RBMS3: variants seen among roughly 807,000 people sequenced by gnomAD.
RBMS3 encodes the protein RNA binding motif single stranded interacting protein 3, also known as RNA-binding motif, single-stranded-interacting protein 3.
RBMS3 carries 27 observed loss-of-function variants against 66.8 expected under a neutral mutation model. The ratio of observed to expected loss-of-function variants is 0.40; its 90% CI spans 0.30 to 0.56. The LOEUF is 0.56. RBMS3 is among the 20% of genes least tolerant of loss of function. The probability of loss-of-function intolerance (pLI) is 0.40; values close to 1 mark genes in which losing one functional copy is unlikely to be tolerated. For synonymous variants in RBMS3, 188 were observed against 183.0 expected (o/e 1.03, Z -0.22); for missense variants, 513 against 549.5 (o/e 0.93, Z 0.66).
intron 7 of RBMS3, among the ~76,000 whole-genome samples, chr3:29,883,713 T>A (rs1361429792): frequency 2.6e-5 from 4 of 152,070 alleles, no homozygotes; most frequent in Non-Finnish European, 5.9e-5. Context: ...GCATATGGTC[T>A]ATTTTTAAAT....
chr3:29,432,348 A>G (rs1397117969), intron 1 of RBMS3, among the ~76,000 whole-genome samples: 4 of 152,176 alleles, frequency 2.6e-5, no homozygotes, highest in Admixed American at 6.5e-5. Context: ...ATTGGGAATG[A>G]GAGAATAGGT....
chr3:29,461,318 C>A lies in RBMS3; in HGVS notation c.248+26403C>A, dbSNP rs144274648. On this transcript the variant is annotated intron_variant, in intron 2 of 14. Coordinates refer to ENST00000383767, the MANE Select transcript of RBMS3 (RefSeq NM_001003793.3). ...CTTGGCCTTATGCCTATGCTTCTTT[C>A]CTCACTGTTTTCTCTTCTCCATTCC... Among the ~76,000 whole-genome samples, 496 of 152,308 alleles carry A rather than the reference C, an allele frequency of 3.3e-3. 3 individuals carry two copies. The highest frequency in any genetic ancestry group is 0.011 in the African/African-American group (476 of 41,560).
At chr3:29,827,759 C>G (rs2058247347) in intron 6 of RBMS3, among the ~76,000 whole-genome samples, 2 of 152,142 alleles carry the variant, frequency 1.3e-5, no homozygotes, top group African/African-American at 4.8e-5. Flanking sequence ...CTAAGAAAAA[C>G]AATGAATGAA....
intron 3 of RBMS3, among the ~76,000 whole-genome samples, chr3:29,515,835 C>A (rs1239518004): frequency 1.3e-5 from 2 of 152,156 alleles, no homozygotes; most frequent in African/African-American, 2.4e-5. Context: ...CTGAGTGTGT[C>A]CTTGTTCAAA....
At chr3:29,704,468 C>T (rs1192409662) in intron 4 of RBMS3, among the ~76,000 whole-genome samples, 1 of 152,186 alleles carries the variant, frequency 6.6e-6, no homozygotes, top group Non-Finnish European at 1.5e-5. Context: ...ATAAAAACAA[C>T]CTTCCAGGAG....
chr3:29,997,254 A>G (rs556051134), intron 14 of RBMS3, among the ~76,000 whole-genome samples: 1 of 151,962 alleles, frequency 6.6e-6, no homozygotes, highest in South Asian at 2.1e-4. Context: ...AATAACAGGA[A>G]CTGAAATTGT....
chr3:29,773,224 T>G (rs1371841), intron 6 of RBMS3, among the ~76,000 whole-genome samples: 70,472 of 151,824 alleles, frequency 0.46, 16,765 homozygotes, highest in African/African-American at 0.55. Context: ...GAAACGGGGA[T>G]TGTCCTAAAG....
At chr3:29,758,104 A>C (rs902467811) in intron 5 of RBMS3, among the ~76,000 whole-genome samples, 7 of 152,210 alleles carry the variant, frequency 4.6e-5, no homozygotes, top group African/African-American at 1.4e-4. Context: ...GAGGTGAAAC[A>C]CCCTTGACAT....
At chr3:29,945,049 A>G (rs763372301) in intron 12 of RBMS3, among the ~76,000 whole-genome samples, 5 of 151,760 alleles carry the variant, frequency 3.3e-5, no homozygotes, top group Non-Finnish European at 7.4e-5. Flanking sequence ...AATGGGCACA[A>G]TTTTTTATTT....
At chr3:29,729,710 G>C (rs1559613102) in intron 4 of RBMS3, among the ~76,000 whole-genome samples, 1 of 151,942 alleles carries the variant, frequency 6.6e-6, no homozygotes, top group African/African-American at 2.4e-5. Flanking sequence ...TCTCATTGTG[G>C]TTTTGATTTG....
At chr3:29,934,562 T>C (rs2061216705) in intron 10 of RBMS3, among the ~76,000 whole-genome samples, 1 of 152,146 alleles carries the variant, frequency 6.6e-6, no homozygotes, top group Non-Finnish European at 1.5e-5. Flanking sequence ...AAGCTTATCT[T>C]ATGTTTCTCA....
At chr3:29,912,130 C>G (rs1447203905) in intron 10 of RBMS3, among the ~76,000 whole-genome samples, 2 of 151,868 alleles carry the variant, frequency 1.3e-5, no homozygotes, top group Non-Finnish European at 2.9e-5. Flanking sequence ...TAATAGATAT[C>G]CTGGGACATG....
chr3:29,664,490 A>G (rs77014667), intron 4 of RBMS3, among the ~76,000 whole-genome samples: 3,589 of 152,138 alleles, frequency 0.024, 51 homozygotes, highest in Admixed American at 0.034. Context: ...CTGTCTCAAA[A>G]AAAAGTAATC....
intron 3 of RBMS3, among the ~76,000 whole-genome samples, chr3:29,500,486 T>G (rs2043926182): frequency 6.6e-6 from 1 of 151,094 alleles, no homozygotes; most frequent in African/African-American, 2.4e-5. Flanking sequence ...TAGTCATGTA[T>G]TACATAATGA....
intron 8 of RBMS3, among the ~76,000 whole-genome samples, chr3:29,896,819 A>C (rs2060133583): frequency 6.6e-6 from 1 of 151,606 alleles, no homozygotes; most frequent in Admixed American, 6.6e-5. Context: ...ACATAGGTTC[A>C]GTGTCTCTGC....
At chr3:29,712,457 T>C (rs2053216761) in intron 4 of RBMS3, among the ~76,000 whole-genome samples, 1 of 152,090 alleles carries the variant, frequency 6.6e-6, no homozygotes, top group Non-Finnish European at 1.5e-5. Flanking sequence ...GGGCTACGAA[T>C]GCATGCTACC....
intron 3 of RBMS3, among the ~76,000 whole-genome samples, chr3:29,504,992 C>T (rs895827512): frequency 3.9e-5 from 6 of 151,966 alleles, no homozygotes; most frequent in African/African-American, 1.4e-4. Flanking sequence ...CAAATACTTC[C>T]TCCCGTATCA....
chr3:29,293,246 A>C (rs1292812839), intron 1 of RBMS3, among the ~76,000 whole-genome samples: 1 of 147,518 alleles, frequency 6.8e-6, no homozygotes, highest in East Asian at 2.1e-4. Context: ...ATGTGCTCAC[A>C]AATATAACCA....
chr3:29,664,012 A>C (rs988378870), intron 4 of RBMS3, among the ~76,000 whole-genome samples: 20 of 152,218 alleles, frequency 1.3e-4, no homozygotes, highest in African/African-American at 4.8e-4. Flanking sequence ...TTTTCTGAAT[A>C]CTATCATTGA....
Sources: gnomAD v4.1 joint callset for allele counts (sites outside exome capture counted in the v4.1 genomes callset) on GRCh38, gnomAD v4.1.1 for gene constraint, MANE v1.5 for transcripts, NCBI Gene and HGNC (gene_info 2026-07-23, HGNC 2026-07-21) for gene names.